Variants in ANKS1B observed in about 807,000 individuals in gnomAD.
The protein encoded by ANKS1B is ankyrin repeat and sterile alpha motif domain containing 1B, also known as ankyrin repeat and sterile alpha motif domain-containing protein 1B.
ANKS1B carries 36 observed loss-of-function variants against 148.3 expected under a neutral mutation model. The observed-to-expected ratio is 0.24, with a 90% confidence interval of 0.19 to 0.32. ANKS1B has a LOEUF of 0.32. Among genes scored for constraint, ANKS1B ranks in the 10% least tolerant of loss-of-function variants. The pLI is 1.00. For missense variants in ANKS1B, 1,157 were observed against 1,542.6 expected, an observed-to-expected ratio of 0.75 and a Z score of 4.19; for synonymous variants, 542 against 560.8, an observed-to-expected ratio of 0.97 and a Z score of 0.47.
At chr12:98,938,943 G>A (rs138158481) in intron 17 of ANKS1B, among the ~76,000 whole-genome samples, 1 of 152,346 alleles carries the variant, frequency 6.6e-6, no homozygotes, top group Non-Finnish European at 1.5e-5. Context: ...GTCATGTTGA[G>A]TTTTAACAAG....
At chr12:98,769,165 C>CTTTTTTTTATT (rs2098532680) in intron 25 of ANKS1B, among the ~76,000 whole-genome samples, 1 of 41,216 alleles carries the variant, frequency 2.4e-5, no homozygotes, top group Non-Finnish European at 4.4e-5. Context: ...GTCTTCTTTA[C>CTTTTTTTTATT]TTTTTTTTTT....
intron 19 of ANKS1B, among the ~76,000 whole-genome samples, chr12:98,817,642 A>G (rs140864525): frequency 6.6e-6 from 1 of 152,290 alleles, no homozygotes; most frequent in East Asian, 1.9e-4. Context: ...CTCTGCAACC[A>G]CACTGTTAGC....
At chr12:99,142,437 G>A (rs1162258000) in intron 15 of ANKS1B, among the ~76,000 whole-genome samples, 1 of 152,058 alleles carries the variant, frequency 6.6e-6, no homozygotes, top group Non-Finnish European at 1.5e-5. Flanking sequence ...TGGTTATGAA[G>A]GGAAGAAGAG....
chr12:99,928,257 T>C (rs2094520886), intron 1 of ANKS1B, among the ~76,000 whole-genome samples: 1 of 107,812 alleles, frequency 9.3e-6, no homozygotes, highest in African/African-American at 4.1e-5. Flanking sequence ...CCACCTATTA[T>C]TTTATTTTAT....
intron 15 of ANKS1B, among the ~76,000 whole-genome samples, chr12:99,118,809 G>C (rs939160374): frequency 3.9e-5 from 6 of 152,134 alleles, no homozygotes; most frequent in African/African-American, 9.7e-5. Context: ...ACAAATATTT[G>C]ATTTGAAATT....
At chr12:99,412,780 T>C (rs1296518331) in intron 11 of ANKS1B, among the ~76,000 whole-genome samples, 1 of 152,204 alleles carries the variant, frequency 6.6e-6, no homozygotes, top group East Asian at 1.9e-4. Flanking sequence ...TTCTCTGTCT[T>C]GATCACTTTG....
At chr12:99,945,229 G>A (rs2153818704) in intron 1 of ANKS1B, among the ~76,000 whole-genome samples, 1 of 152,194 alleles carries the variant, frequency 6.6e-6, no homozygotes, top group Non-Finnish European at 1.5e-5. Context: ...CCATTCTGAG[G>A]TGATGACATT....
chr12:99,606,605 T>C (rs1351262641), intron 9 of ANKS1B, among the ~76,000 whole-genome samples: 1 of 152,064 alleles, frequency 6.6e-6, no homozygotes, highest in Non-Finnish European at 1.5e-5. Flanking sequence ...TGAATAATCA[T>C]ATATGTTTTC....
At chr12:99,532,401 G>A (rs1185667270) in intron 9 of ANKS1B, among the ~76,000 whole-genome samples, 2 of 152,112 alleles carry the variant, frequency 1.3e-5, no homozygotes, top group Non-Finnish European at 2.9e-5. Context: ...TCGCTCTGTC[G>A]CCAGGCTGGA....
intron 11 of ANKS1B, among the ~76,000 whole-genome samples, chr12:99,435,786 C>G (rs1202495049): frequency 6.6e-6 from 1 of 151,986 alleles, no homozygotes; most frequent in Non-Finnish European, 1.5e-5. Context: ...TGTAGACCAC[C>G]CATAGCCTAT....
intron 14 of ANKS1B, among the ~76,000 whole-genome samples, chr12:99,208,363 A>C (rs1321277573): frequency 6.6e-6 from 1 of 152,110 alleles, no homozygotes; most frequent in Non-Finnish European, 1.5e-5. Context: ...AAACCATTTG[A>C]CATTTTTTAT....
At chr12:99,934,674 T>C (rs2094712767) in intron 1 of ANKS1B, among the ~76,000 whole-genome samples, 3 of 152,150 alleles carry the variant, frequency 2.0e-5, no homozygotes, top group East Asian at 3.8e-4. Context: ...GCTAAAGGTT[T>C]CCCAATTTTG....
chr12:99,743,806 T>C (rs1444455445), intron 8 of ANKS1B, among the ~76,000 whole-genome samples: 1 of 152,232 alleles, frequency 6.6e-6, no homozygotes, highest in Non-Finnish European at 1.5e-5. Context: ...GTAGTGTTAA[T>C]TTCAACTAAA....
At chr12:99,320,899 T>C (rs779872882) in intron 12 of ANKS1B, among the ~76,000 whole-genome samples, 1 of 152,196 alleles carries the variant, frequency 6.6e-6, no homozygotes, top group Non-Finnish European at 1.5e-5. Flanking sequence ...TCCTTTCTGT[T>C]TGTTAGTTTT....
chr12:99,633,890 A>G (rs2098201473), intron 9 of ANKS1B, among the ~76,000 whole-genome samples: 1 of 152,208 alleles, frequency 6.6e-6, no homozygotes, highest in South Asian at 2.1e-4. Context: ...TTCCTTTTCT[A>G]ATGGAAATGT....
chr12:99,281,482 G>A (rs1168838556), intron 12 of ANKS1B, among the ~76,000 whole-genome samples: 1 of 150,586 alleles, frequency 6.6e-6, no homozygotes, highest in African/African-American at 2.5e-5. Context: ...TCTAGCCCAA[G>A]TAGCTGAATT....
chr12:98,854,271 G>A (rs2099549450), intron 17 of ANKS1B, among the ~76,000 whole-genome samples: 1 of 152,188 alleles, frequency 6.6e-6, no homozygotes, highest in Admixed American at 6.5e-5. Context: ...AGCCACGGGT[G>A]GGAATAGAAA....
At chr12:98,794,745 A>T (rs2098932130) in intron 22 of ANKS1B, 4 of 1,072,224 alleles carry the variant, frequency 3.7e-6, no homozygotes, top group Non-Finnish European at 4.3e-6. Context: ...GAGCTATGGA[A>T]TAAAACTACT....
chr12:99,420,184 C>T (rs2095040311), intron 11 of ANKS1B, among the ~76,000 whole-genome samples: 2 of 152,170 alleles, frequency 1.3e-5, no homozygotes, highest in Non-Finnish European at 2.9e-5. Context: ...ATACACTTTC[C>T]ATTACATCAT....
Sources: gnomAD v4.1 joint callset for allele counts (sites outside exome capture counted in the v4.1 genomes callset) on GRCh38, gnomAD v4.1.1 for gene constraint, MANE v1.5 for transcripts, NCBI Gene and HGNC (gene_info 2026-07-23, HGNC 2026-07-21) for gene names.